ACSS3: variants seen among roughly 807,000 people sequenced by gnomAD.
ACSS3 encodes acyl-CoA synthetase short chain family member 3, also known as acyl-CoA synthetase short-chain family member 3, mitochondrial.
In ACSS3, 64 loss-of-function variants were observed where a neutral mutation model predicts 84.2. That is an observed-to-expected ratio of 0.76 (90% confidence interval 0.62 to 0.94). The LOEUF (loss-of-function observed/expected upper bound fraction) is 0.94, where lower values mean the gene tolerates loss of function less well. Among genes scored for constraint, ACSS3 ranks in the 40% least tolerant of loss-of-function variants. The pLI, the probability that ACSS3 is intolerant of heterozygous loss-of-function variation, is 0.00. For synonymous variants in ACSS3, 317 were observed against 310.1 expected, an observed-to-expected ratio of 1.02 and a Z score of -0.23; for missense variants, 815 against 867.6, an observed-to-expected ratio of 0.94 and a Z score of 0.76.
At chr12:81,107,540 ATATATATATATATATATAT>A (rs1404750718) in intron 1 of ACSS3, among the ~76,000 whole-genome samples, 1 of 114,386 alleles carries the variant, frequency 8.7e-6, no homozygotes, top group Non-Finnish European at 1.8e-5. Context: ...ATATATATAT[ATATATATATATATATATAT>A]AAATGTTTTT....
chr12:81,212,908 A>G (rs1280905315), intron 9 of ACSS3, among the ~76,000 whole-genome samples: 1 of 152,198 alleles, frequency 6.6e-6, no homozygotes, highest in Non-Finnish European at 1.5e-5. Context: ...CTAAGGTGAC[A>G]TTCTTCATAC....
At chr12:81,233,503 T>A (rs1345170381) in intron 13 of ACSS3, 32 bp downstream of exon 13, 12 of 1,608,284 alleles carry the variant, frequency 7.5e-6, no homozygotes, top group Non-Finnish European at 7.7e-6. Flanking sequence ...CTATTCCAAG[T>A]AGTGCTTAGG....
intron 7 of ACSS3, among the ~76,000 whole-genome samples, chr12:81,173,983 G>A (rs1213631790): frequency 6.6e-6 from 1 of 151,984 alleles, no homozygotes. Flanking sequence ...AACATTGCAG[G>A]CATCTTGCTT....
intron 8 of ACSS3, among the ~76,000 whole-genome samples, chr12:81,186,160 A>G (rs1425776873): frequency 2.6e-5 from 4 of 151,778 alleles, no homozygotes; most frequent in Non-Finnish European, 5.9e-5. Flanking sequence ...TTCCACATAT[A>G]AAAGAAGGAA....
chr12:81,208,539 T>C (rs996874049), intron 9 of ACSS3, among the ~76,000 whole-genome samples: 1 of 152,170 alleles, frequency 6.6e-6, no homozygotes, highest in African/African-American at 2.4e-5. Flanking sequence ...TATCTTCCAC[T>C]GCCAGTCACC....
intron 3 of ACSS3, among the ~76,000 whole-genome samples, chr12:81,138,380 A>G (rs1885918794): frequency 6.6e-6 from 1 of 152,220 alleles, no homozygotes; most frequent in South Asian, 2.1e-4. Context: ...ATAGAGATTT[A>G]TGAACACTGA....
At chr12:81,250,317 T>G (rs1051820798) in intron 13 of ACSS3, among the ~76,000 whole-genome samples, 2 of 152,206 alleles carry the variant, frequency 1.3e-5, no homozygotes, top group Admixed American at 6.5e-5. Context: ...TTTTAAAAAC[T>G]GATAGATGAA....
At chr12:81,212,129 A>T (rs2032617064) in intron 9 of ACSS3, among the ~76,000 whole-genome samples, 1 of 152,116 alleles carries the variant, frequency 6.6e-6, no homozygotes, top group African/African-American at 2.4e-5. Flanking sequence ...TTTCATACTC[A>T]GTTTATGTTT....
At chr12:81,172,031 C>G (rs577261160) in intron 7 of ACSS3, among the ~76,000 whole-genome samples, 1 of 151,946 alleles carries the variant, frequency 6.6e-6, no homozygotes, top group Non-Finnish European at 1.5e-5. Flanking sequence ...TTTGAGAGGC[C>G]GAAGGCAGGC....
At chr12:81,246,660 A>C (rs1019235263) in intron 13 of ACSS3, among the ~76,000 whole-genome samples, 51 of 152,294 alleles carry the variant, frequency 3.3e-4, no homozygotes, top group African/African-American at 1.2e-3. Flanking sequence ...TTTTTCTAGA[A>C]GCAAACCCCA....
At chr12:81,107,019 G>C (rs1270341873) in intron 1 of ACSS3, among the ~76,000 whole-genome samples, 1 of 151,992 alleles carries the variant, frequency 6.6e-6, no homozygotes, top group Non-Finnish European at 1.5e-5. Context: ...GAGGTGGAGT[G>C]AAATGAGTAT....
rs1213611175 is a variant in ACSS3 at position 81,174,937 on chromosome 12, A to C, written c.1248A>C (p.Thr416=). ...GAALGKQYSL[T]RFKTLFVAGE... is the part of the protein sequence containing the mutation. ...CTTTGGGGAAGCAGTACTCTCTGAC[A>C]AGGTGACGTTGGGATGCACAGGGCA... Residue 416 remains threonine, a splice_region_variant and synonymous_variant, in exon 8 of 16, where the codon ACA becomes ACC. Coordinates refer to ENST00000548058, the MANE Select transcript of ACSS3 (RefSeq NM_024560.4). 1 of 1,613,368 alleles carries C rather than the reference A, an allele frequency of 6.2e-7. No homozygotes were observed. The highest frequency in any genetic ancestry group is 2.2e-5 in the East Asian group (1 of 44,878).
intron 1 of ACSS3, among the ~76,000 whole-genome samples, chr12:81,087,567 C>T (rs752331114): frequency 6.6e-6 from 1 of 152,052 alleles, no homozygotes; most frequent in East Asian, 1.9e-4. Flanking sequence ...GTATTATTGT[C>T]CATTTGCTAA....
intron 2 of ACSS3, among the ~76,000 whole-genome samples, chr12:81,126,275 C>G (rs1885089599): frequency 6.6e-6 from 1 of 152,106 alleles, no homozygotes; most frequent in Non-Finnish European, 1.5e-5. Flanking sequence ...TTACAATTAC[C>G]CAATTATTAA....
intron 13 of ACSS3, among the ~76,000 whole-genome samples, chr12:81,242,708 A>G (rs11503264): frequency 0.22 from 20,404 of 90,882 alleles, 2,577 homozygotes; most frequent in Middle Eastern, 0.34. Flanking sequence ...TTCAATATAC[A>G]CAAATCAATA....
chr12:81,254,196 C>T (rs2034238341), intron 15 of ACSS3, among the ~76,000 whole-genome samples: 1 of 152,094 alleles, frequency 6.6e-6, no homozygotes, highest in Non-Finnish European at 1.5e-5. Flanking sequence ...TCCCAAAGTG[C>T]TGGGATTACA....
At chr12:81,108,372 G>A (rs1201796101) in intron 1 of ACSS3, among the ~76,000 whole-genome samples, 1 of 151,808 alleles carries the variant, frequency 6.6e-6, no homozygotes, top group Non-Finnish European at 1.5e-5. Flanking sequence ...TCCACCTCCT[G>A]GGTTCAAGCA....
At chr12:81,112,156 T>A (rs573279609) in intron 2 of ACSS3, among the ~76,000 whole-genome samples, 2 of 152,320 alleles carry the variant, frequency 1.3e-5, no homozygotes, top group Non-Finnish European at 1.5e-5. Flanking sequence ...TGCATTTTCA[T>A]CTTAGAAGAG....
At chr12:81,185,457 A>G (rs768744494) in intron 8 of ACSS3, among the ~76,000 whole-genome samples, 7 of 151,782 alleles carry the variant, frequency 4.6e-5, no homozygotes, top group Non-Finnish European at 1.0e-4. Flanking sequence ...AAGATACCAC[A>G]AAAACGTTAT....
Sources: allele counts gnomAD v4.1 joint callset (sites outside exome capture counted in the v4.1 genomes callset), GRCh38; gene constraint gnomAD v4.1.1; transcripts MANE v1.5; gene names NCBI Gene and HGNC (gene_info 2026-07-23, HGNC 2026-07-21).